The following DOK6 variants were observed in gnomAD, a reference collection of about 807,000 sequenced individuals.
The protein encoded by DOK6 is docking protein 6.
DOK6 carries 22 observed loss-of-function variants against 44.0 expected under a neutral mutation model. The ratio of observed to expected loss-of-function variants is 0.50; its 90% CI spans 0.36 to 0.71. DOK6 has a LOEUF of 0.71. Ranked by LOEUF, DOK6 falls within the 30% of genes least tolerant of loss-of-function variation. The pLI is 0.00. For synonymous variants in DOK6, 166 were observed against 145.5 expected (o/e 1.14, Z -1.01); for missense variants, 340 against 416.4 (o/e 0.82, Z 1.60).
intron 3 of DOK6, among the ~76,000 whole-genome samples, chr18:69,655,852 C>T (rs1470862252): frequency 7.7e-6 from 1 of 130,528 alleles, no homozygotes; most frequent in Non-Finnish European, 1.7e-5. Flanking sequence ...TAAAATATGA[C>T]ATATGATAAA....
chr18:69,446,226 G>A (rs1222153197), intron 1 of DOK6, among the ~76,000 whole-genome samples: 10 of 120,492 alleles, frequency 8.3e-5, no homozygotes, highest in Non-Finnish European at 1.3e-4. Context: ...CCCACGACAG[G>A]CCCCAGTGTG....
At chr18:69,485,495 A>G (rs1980549629) in intron 1 of DOK6, among the ~76,000 whole-genome samples, 1 of 152,166 alleles carries the variant, frequency 6.6e-6, no homozygotes, top group African/African-American at 2.4e-5. Context: ...GCAAGAGGGC[A>G]TAGGATATCC....
At chr18:69,625,997 A>T (rs987861592) in intron 3 of DOK6, among the ~76,000 whole-genome samples, 1 of 152,200 alleles carries the variant, frequency 6.6e-6, no homozygotes, top group South Asian at 2.1e-4. Flanking sequence ...CAAAGTAAAG[A>T]TGAACTCTGT....
rs140222778 is a variant in DOK6, at chr18:69,539,645, C to A, written c.67-24842C>A. Among the ~76,000 whole-genome samples, 479 of 151,872 alleles carry A rather than the reference C, an allele frequency of 3.2e-3. 2 individuals are homozygous for A. Among genetic ancestry groups the A allele is most frequent in the Admixed American group, 5.6e-3 (85 of 15,236 alleles). On this transcript the variant is annotated intron_variant, in intron 1 of 7. Transcript: ENST00000382713. ...TTTCTTATTCCAGTAAGTGCATGTACCATTGTTTATTTAATAAATTCATTA... is the reference window on the plus strand; with the variant it reads ...TTTCTTATTCCAGTAAGTGCATGTAACATTGTTTATTTAATAAATTCATTA...
intron 2 of DOK6, among the ~76,000 whole-genome samples, chr18:69,598,312 T>A (rs1240404617): frequency 6.6e-6 from 1 of 151,808 alleles, no homozygotes; most frequent in Admixed American, 6.6e-5. Context: ...TTATTGTGTT[T>A]ATAAAAATAT....
intron 7 of DOK6, among the ~76,000 whole-genome samples, chr18:69,790,110 A>T (rs1472985972): frequency 6.6e-6 from 1 of 152,180 alleles, no homozygotes; most frequent in Non-Finnish European, 1.5e-5. Flanking sequence ...GATTTTGTCA[A>T]AGGAGAGGAT....
chr18:69,498,999 T>C (rs1980974938), intron 1 of DOK6, among the ~76,000 whole-genome samples: 1 of 152,216 alleles, frequency 6.6e-6, no homozygotes, highest in South Asian at 2.1e-4. Context: ...TCTGTAACTA[T>C]AGAGATTCTC....
At chr18:69,828,268 C>G (rs1175528553) in intron 7 of DOK6, among the ~76,000 whole-genome samples, 1 of 151,680 alleles carries the variant, frequency 6.6e-6, no homozygotes, top group Non-Finnish European at 1.5e-5. Context: ...ATTTTTATTT[C>G]ATGTATTCTC....
At chr18:69,751,588 T>C (rs994396913) in intron 6 of DOK6, among the ~76,000 whole-genome samples, 3 of 152,194 alleles carry the variant, frequency 2.0e-5, no homozygotes, top group African/African-American at 7.2e-5. Flanking sequence ...GTGCATCTTT[T>C]CAAGTACTTA....
At chr18:69,755,207 G>GGAA (rs1391918514) in intron 6 of DOK6, among the ~76,000 whole-genome samples, 2 of 152,122 alleles carry the variant, frequency 1.3e-5, no homozygotes, top group Admixed American at 1.3e-4. Context: ...CAAATCATGT[G>GGAA]GAAGAGTTAT....
At chr18:69,566,985 T>C (rs1982998859) in intron 2 of DOK6, among the ~76,000 whole-genome samples, 1 of 152,210 alleles carries the variant, frequency 6.6e-6, no homozygotes, top group Non-Finnish European at 1.5e-5. Flanking sequence ...TCCATGGCAG[T>C]GCTCAGAGCT....
intron 1 of DOK6, among the ~76,000 whole-genome samples, chr18:69,445,152 T>A (rs894357580): frequency 2.0e-5 from 3 of 152,192 alleles, no homozygotes; most frequent in Admixed American, 2.0e-4. Flanking sequence ...ATGCAACTGA[T>A]TTTTTGTGTG....
intron 7 of DOK6, among the ~76,000 whole-genome samples, chr18:69,790,706 A>G (rs1196773894): frequency 3.3e-5 from 5 of 152,142 alleles, no homozygotes; most frequent in East Asian, 1.9e-4. Flanking sequence ...AGCTATTTTG[A>G]TATGGGCATA....
intron 1 of DOK6, among the ~76,000 whole-genome samples, chr18:69,480,814 A>T (rs562212524): frequency 6.6e-6 from 1 of 152,192 alleles, no homozygotes; most frequent in African/African-American, 2.4e-5. Flanking sequence ...CATGTATGTG[A>T]TATTGGTTAG....
intron 3 of DOK6, among the ~76,000 whole-genome samples, chr18:69,635,277 TC>T (rs1253259990): frequency 7.2e-5 from 11 of 151,904 alleles, no homozygotes; most frequent in East Asian, 5.8e-4. Context: ...GATATTTTTC[TC>T]TTTTTTTCTC....
At chr18:69,531,722 T>G (rs542489489) in intron 1 of DOK6, among the ~76,000 whole-genome samples, 1 of 152,314 alleles carries the variant, frequency 6.6e-6, no homozygotes, top group Non-Finnish European at 1.5e-5. Context: ...TTTTGCCCTC[T>G]TTTTACTGAG....
At chr18:69,521,278 T>G (rs1303865948) in intron 1 of DOK6, among the ~76,000 whole-genome samples, 1 of 151,902 alleles carries the variant, frequency 6.6e-6, no homozygotes, top group African/African-American at 2.4e-5. Flanking sequence ...CATAGTATGT[T>G]AAACAGTTAA....
At chr18:69,671,576 A>C (rs1316184513) in intron 3 of DOK6, among the ~76,000 whole-genome samples, 1 of 152,300 alleles carries the variant, frequency 6.6e-6, no homozygotes, top group East Asian at 1.9e-4. Context: ...AAAATAAGAA[A>C]CCTTTTTTGA....
chr18:69,457,721 T>C (rs1979668647), intron 1 of DOK6, among the ~76,000 whole-genome samples: 1 of 152,230 alleles, frequency 6.6e-6, no homozygotes, highest in Non-Finnish European at 1.5e-5. Flanking sequence ...GTAAATTTAT[T>C]TGGATAGTAT....
Sources: gnomAD v4.1 joint callset for allele counts (sites outside exome capture counted in the v4.1 genomes callset) on GRCh38, gnomAD v4.1.1 for gene constraint, MANE v1.5 for transcripts, NCBI Gene and HGNC (gene_info 2026-07-23, HGNC 2026-07-21) for gene names.